The following SLC5A10 variants were observed in gnomAD, a reference collection of about 807,000 sequenced individuals.
SLC5A10 encodes the protein solute carrier family 5 member 10, also known as sodium/mannose cotransporter SLC5A10.
Under a neutral mutation model 68.9 loss-of-function variants are expected in SLC5A10, and 55 were observed. The ratio of observed to expected loss-of-function variants is 0.80; its 90% CI spans 0.64 to 1.00. The LOEUF (loss-of-function observed/expected upper bound fraction) is 1.00. Ranked by LOEUF, SLC5A10 falls within the 50% of genes least tolerant of loss-of-function variation. The probability of loss-of-function intolerance (pLI) is 0.00; values close to 1 mark genes in which losing one functional copy is unlikely to be tolerated. For missense variants in SLC5A10, 732 were observed against 819.3 expected (o/e 0.89, Z 1.30); for synonymous variants, 344 against 344.8 (o/e 1.00, Z 0.02).
At chr17:18,979,614 G>A in intron 9 of SLC5A10, 2 of 1,613,542 alleles carry the variant, frequency 1.2e-6, no homozygotes, top group Non-Finnish European at 8.5e-7. Flanking sequence ...GGGCACCCTT[G>A]AACTTGGTTG....
chr17:18,985,233 A>G (rs1365373158), intron 9 of SLC5A10, among the ~76,000 whole-genome samples: 3 of 152,150 alleles, frequency 2.0e-5, no homozygotes, highest in Admixed American at 2.0e-4. Flanking sequence ...GGCCTCCTTC[A>G]CTCTTCACAG....
chr17:18,968,699 C>A lies in SLC5A10; in HGVS notation c.454-353C>A, dbSNP rs753479320. The A allele has an allele frequency of 2.3e-5, 6 of 264,686 alleles. No homozygotes were observed. The highest frequency in any genetic ancestry group is 4.3e-5 in the Non-Finnish European group (6 of 139,336). The allele number at this position is 264,686 out of a possible 1,614,324, so 16.4% of individuals were successfully genotyped here. ...CCTACTGGTCTTCACAGACTCCTCACAAACTCATCAAGGTGCCCCTGGGAA... is the reference window on the plus strand; with the variant it reads ...CCTACTGGTCTTCACAGACTCCTCAAAAACTCATCAAGGTGCCCCTGGGAA... On this transcript the variant is annotated intron_variant, in intron 5 of 14. Coordinates refer to ENST00000395645, the MANE Select transcript of SLC5A10 (RefSeq NM_001042450.4). The surrounding 1 kb of genome is among the most constrained non-coding windows in gnomAD (Gnocchi z 4.1).
At chr17:18,961,332 G>A (rs1238124365) in intron 5 of SLC5A10, among the ~76,000 whole-genome samples, 2 of 152,168 alleles carry the variant, frequency 1.3e-5, no homozygotes, top group Non-Finnish European at 2.9e-5. Context: ...TCCAGCCCCA[G>A]GCTTCTGAAG....
Position 18,969,378 on chromosome 17 carries a change from A to C in SLC5A10, c.596A>C (p.Gln199Pro). 1 of 1,613,788 alleles carries C rather than the reference A, an allele frequency of 6.2e-7. No individual in the cohort carries two copies. Among genetic ancestry groups the C allele is most frequent in the Non-Finnish European group, 8.5e-7 (1 of 1,180,024 alleles). ...LAAVIYTDAL[Q>P]TLIMVVGAVI... is the part of the protein sequence containing the mutation. ...GCTGTAATCTACACGGACGCCCTGC[A>C]GACGCTCATCATGGTGGTGGGGGCT... is the stretch of plus-strand genomic sequence containing the variant. The change falls in exon 7 of 15, where the codon CAG (glutamine) becomes CCG (proline). Residue 199 changes from glutamine (Q) to proline (P), a missense_variant. Transcript: ENST00000395645.
In SLC5A10 at chr17:19,004,020, A is replaced by C; in HGVS notation, c.983-9390A>C. On this transcript the variant is annotated intron_variant, in intron 9 of 14. Transcript: ENST00000395645. The surrounding 1 kb of genome is among the most constrained non-coding windows in gnomAD (Gnocchi z 5.4). Reference sequence around the variant, plus strand: ...CAGTTCACATGGTTGTCGTCCAGACACTGCACCTGAGAGAAGGCCATGGCG... The same window carrying C: ...CAGTTCACATGGTTGTCGTCCAGACCCTGCACCTGAGAGAAGGCCATGGCG... 1 of 1,604,968 alleles carries C rather than the reference A, an allele frequency of 6.2e-7. No individual in the cohort carries two copies. The highest frequency in any genetic ancestry group is 8.5e-7 in the Non-Finnish European group (1 of 1,175,034).
At chr17:18,960,453 G>C in intron 4 of SLC5A10, 95 bp from the exon 5 acceptor site, 1 of 1,032,506 alleles carries the variant, frequency 9.7e-7, no homozygotes, top group Non-Finnish European at 1.4e-6. Flanking sequence ...GCTGCTTTGT[G>C]GCGGGGGGAG....
rs757874463 is a variant in SLC5A10, at chr17:19,003,578, A to T, written c.983-9832A>T. ...CTCTTTGATGTGGGCCTGCCCGTCT[A>T]TGGGGGGCTGCATGTAGACGCTAGC... On this transcript the variant is annotated intron_variant, in intron 9 of 14. Coordinates refer to ENST00000395645, the MANE Select transcript of SLC5A10 (RefSeq NM_001042450.4). The surrounding 1 kb of genome is among the most constrained non-coding windows in gnomAD (Gnocchi z 4.5). 5 of 1,596,406 alleles carry T rather than the reference A, an allele frequency of 3.1e-6. No individual in the cohort carries two copies. The highest frequency in any genetic ancestry group is 3.4e-6 in the Non-Finnish European group (4 of 1,171,250).
chr17:18,977,219 A>G (rs1230391932), intron 9 of SLC5A10: 1 of 625,204 alleles, frequency 1.6e-6, no homozygotes, highest in African/African-American at 1.8e-5. Flanking sequence ...TCAAGGCTGT[A>G]AATGAACGTC....
intron 5 of SLC5A10, among the ~76,000 whole-genome samples, chr17:18,967,846 C>G (rs888010674): frequency 6.6e-6 from 1 of 152,122 alleles, no homozygotes; most frequent in African/African-American, 2.4e-5. Context: ...CTGCGCTTCT[C>G]TACTTGGGCT....
rs746445034 is a variant in SLC5A10 at position 18,958,763 on chromosome 17, C to T, written c.183+10C>T. The T allele has an allele frequency of 1.9e-6, 3 of 1,614,056 alleles. No individual in the cohort carries two copies. The highest frequency in any genetic ancestry group is 4.5e-5 in the East Asian group (2 of 44,890). On this transcript the variant is annotated intron_variant, in intron 2 of 14. Transcript: ENST00000395645. ...CATGACGTGGTGGCCGGTGAGTGCA[C>T]CCTGACTTCTCACACACCCCCACTT...
chr17:19,004,170 C>CT lies in SLC5A10; in HGVS notation c.983-9239dup. The CT allele has an allele frequency of 1.2e-6, 1 of 812,562 alleles. No individual in the cohort carries two copies. Among genetic ancestry groups the CT allele is most frequent in the Non-Finnish European group, 1.8e-6 (1 of 569,018 alleles). The allele number at this position is 812,562 out of a possible 1,614,324, so 50.3% of individuals were successfully genotyped here. ...CTCTGCTTCTCTGCCCATGAGCAAT[C>CT]TGCGGGAAAGACCTGATGAGCCCGG... is the stretch of plus-strand genomic sequence containing the variant. On this transcript the variant is annotated intron_variant, in intron 9 of 14. Transcript: ENST00000395645. The surrounding 1 kb of genome is among the most constrained non-coding windows in gnomAD (Gnocchi z 5.4).
intron 9 of SLC5A10, among the ~76,000 whole-genome samples, chr17:18,998,678 T>C (rs1242595838): frequency 6.6e-6 from 1 of 152,178 alleles, no homozygotes; most frequent in Non-Finnish European, 1.5e-5. Context: ...TCGAAACTCT[T>C]AATTAAGGGA....
Position 19,022,277 on chromosome 17 carries a change from G to A in SLC5A10, c.*1846G>A, listed in dbSNP as rs1160115743. On this transcript the variant is annotated 3_prime_UTR_variant, in exon 15 of 15. Coordinates refer to ENST00000395645, the MANE Select transcript of SLC5A10 (RefSeq NM_001042450.4). The stretch of plus-strand genomic sequence containing the variant: ...GGGCAGCACCGGAGTTGAACTTTAA[G>A]TCCAGATCAATGGTAGTGCCACCAC... The A allele has an allele frequency of 2.3e-5, 12 of 519,350 alleles. No individual in the cohort carries two copies. The highest frequency in any genetic ancestry group is 4.0e-5 in the Admixed American group (1 of 24,896). The allele number at this position is 519,350 out of a possible 1,614,324, so 32.2% of individuals were successfully genotyped here.
At chr17:19,019,637 C>A (rs776862877) in intron 12 of SLC5A10, 46 bp downstream of exon 12, 1 of 1,604,074 alleles carries the variant, frequency 6.2e-7, no homozygotes, top group Non-Finnish European at 8.5e-7. Flanking sequence ...CCACAATTTG[C>A]TCTTCCCTGC....
At chr17:18,952,371 G>A (rs1031672127) in intron 1 of SLC5A10, 55 bp downstream of exon 1, 4 of 1,562,324 alleles carry the variant, frequency 2.6e-6, no homozygotes, top group Non-Finnish European at 3.5e-6. Context: ...TGGTGCTTGG[G>A]GTGGGAACCG....
At chr17:18,961,068 C>G (rs914073248) in intron 5 of SLC5A10, among the ~76,000 whole-genome samples, 7 of 152,208 alleles carry the variant, frequency 4.6e-5, no homozygotes, top group Non-Finnish European at 8.8e-5. Context: ...CACCCCAAGG[C>G]TGGTGGGCTC....
intron 11 of SLC5A10, among the ~76,000 whole-genome samples, chr17:19,016,051 CTTT>C (rs796258265): frequency 6.9e-6 from 1 of 143,894 alleles, no homozygotes; most frequent in Admixed American, 6.9e-5. Context: ...TTGTATCATT[CTTT>C]TTTTTTTTTT....
chr17:18,969,616 T>C (rs1284691867), intron 7 of SLC5A10, 194 bp downstream of exon 7: 2 of 544,718 alleles, frequency 3.7e-6, no homozygotes, highest in Non-Finnish European at 6.4e-6. Flanking sequence ...CCCTGGCTGG[T>C]AGAGGCTACC....
intron 9 of SLC5A10, among the ~76,000 whole-genome samples, chr17:18,999,733 C>T (rs1208056543): frequency 6.6e-6 from 1 of 152,242 alleles, no homozygotes; most frequent in African/African-American, 2.4e-5. Flanking sequence ...AATCAGGCTT[C>T]GTGAAACCTG....
Sources: allele counts gnomAD v4.1 joint callset (sites outside exome capture counted in the v4.1 genomes callset), GRCh38; gene constraint gnomAD v4.1.1; non-coding constraint Gnocchi (gnomAD v3.1); transcripts MANE v1.5; gene names NCBI Gene and HGNC (gene_info 2026-07-23, HGNC 2026-07-21).